Variants in PEX14 observed in about 807,000 individuals in gnomAD.
The protein encoded by PEX14 is peroxisomal biogenesis factor 14.
PEX14 carries 15 observed loss-of-function variants against 49.5 expected under a neutral mutation model. That is an observed-to-expected ratio of 0.30 (90% CI 0.20 to 0.47). The LOEUF (loss-of-function observed/expected upper bound fraction) is 0.47. Ranked by LOEUF, PEX14 falls within the 20% of genes least tolerant of loss-of-function variation. The probability of loss-of-function intolerance (pLI) is 1.00; values close to 1 mark genes in which losing one functional copy is unlikely to be tolerated. For synonymous variants in PEX14, 210 were observed against 212.7 expected, an observed-to-expected ratio of 0.99 and a Z score of 0.11; for missense variants, 398 against 494.8, an observed-to-expected ratio of 0.80 and a Z score of 1.86.
chr1:10,610,134 A>G (rs930671236), intron 4 of PEX14, among the ~76,000 whole-genome samples: 1 of 148,316 alleles, frequency 6.7e-6, no homozygotes, highest in African/African-American at 2.5e-5. Flanking sequence ...TGGAAAATAC[A>G]TATAAAAGGA....
intron 3 of PEX14, among the ~76,000 whole-genome samples, chr1:10,574,413 G>A (rs940677534): frequency 8.5e-5 from 13 of 152,184 alleles, no homozygotes; most frequent in Admixed American, 1.3e-4. Context: ...TCTCCGAGTG[G>A]TTGTTACACA....
chr1:10,621,172 G>A (rs1228810134), intron 5 of PEX14, among the ~76,000 whole-genome samples: 2 of 149,516 alleles, frequency 1.3e-5, no homozygotes, highest in Non-Finnish European at 3.0e-5. Flanking sequence ...TAAAGCATCT[G>A]CTCAGTTTCT....
At position 10,612,000 on chromosome 1, in the gene PEX14, A is replaced by G. The variant is rs1413936886; in HGVS notation, c.299-6332A>G. ...AAAGCTTTAAATTTTGATGGTGTCCATTTGATCAGTTTTTTCCTTTTTGGT... is the reference window on the plus strand; with the variant it reads ...AAAGCTTTAAATTTTGATGGTGTCCGTTTGATCAGTTTTTTCCTTTTTGGT... On this transcript the variant is annotated intron_variant, in intron 4 of 8. Transcript: ENST00000356607. Among the ~76,000 whole-genome samples, 4 of 152,262 alleles carry G rather than the reference A, an allele frequency of 2.6e-5. No homozygotes were observed. In the East Asian group the frequency reaches 7.7e-4, roughly 29 times the overall value.
chr1:10,630,096 G>A lies in PEX14; in HGVS notation c.*109G>A. Reference sequence around the variant, plus strand: ...GGAGGGCAGCTTGGAGCCCAGGTAGGGGGCAGAGCTGTCCTCAGCTGCACT... The same window carrying A: ...GGAGGGCAGCTTGGAGCCCAGGTAGAGGGCAGAGCTGTCCTCAGCTGCACT... On this transcript the variant is annotated 3_prime_UTR_variant, in exon 9 of 9. Transcript: ENST00000356607. This position sits in a 1 kb window ranked among gnomAD's most constrained non-coding sequence, Gnocchi z 4.1. 2 of 1,533,584 alleles carry A rather than the reference G, an allele frequency of 1.3e-6. No homozygotes were observed. Among genetic ancestry groups the A allele is most frequent in the South Asian group, 1.2e-5 (1 of 84,950 alleles). 95.0% of individuals were successfully genotyped at this position (1,533,584 alleles called of 1,614,324 possible).
At chr1:10,584,869 A>G (rs1187141011) in intron 3 of PEX14, among the ~76,000 whole-genome samples, 1 of 152,196 alleles carries the variant, frequency 6.6e-6, no homozygotes. Context: ...AAACAAAAGG[A>G]CACATATCAA....
At chr1:10,579,812 C>T (rs767186355) in intron 3 of PEX14, among the ~76,000 whole-genome samples, 2 of 152,076 alleles carry the variant, frequency 1.3e-5, no homozygotes, top group South Asian at 2.1e-4. Flanking sequence ...TGGCCAGCTC[C>T]TTTACTGCAA....
chr1:10,604,256 A>G (rs772076366), intron 4 of PEX14, among the ~76,000 whole-genome samples: 2 of 152,202 alleles, frequency 1.3e-5, no homozygotes, highest in Non-Finnish European at 2.9e-5. Context: ...TGCTTGGTTC[A>G]GTGATCAGAC....
intron 7 of PEX14, among the ~76,000 whole-genome samples, chr1:10,626,886 C>G (rs1390891034): frequency 6.6e-6 from 1 of 152,224 alleles, no homozygotes; most frequent in Non-Finnish European, 1.5e-5. Flanking sequence ...GAAAGGTGTG[C>G]ATGGAAGGAT....
intron 1 of PEX14, among the ~76,000 whole-genome samples, chr1:10,492,237 C>T (rs1396591913): frequency 3.3e-5 from 5 of 152,102 alleles, no homozygotes; most frequent in Admixed American, 1.3e-4. Flanking sequence ...AAGGGATGAA[C>T]TAATTTTAAG....
At chr1:10,483,321 CTT>C (rs1641314301) in intron 1 of PEX14, among the ~76,000 whole-genome samples, 1 of 151,764 alleles carries the variant, frequency 6.6e-6, no homozygotes, top group Non-Finnish European at 1.5e-5. Flanking sequence ...CCAAGTTTTT[CTT>C]TTTTTCTTTC....
At chr1:10,491,614 A>G (rs902258415) in intron 1 of PEX14, among the ~76,000 whole-genome samples, 1 of 142,526 alleles carries the variant, frequency 7.0e-6, no homozygotes, top group Non-Finnish European at 1.5e-5. Flanking sequence ...GGATCCTCCC[A>G]TTGTACCCTC....
At chr1:10,516,125 G>A (rs1004029647) in intron 2 of PEX14, among the ~76,000 whole-genome samples, 3 of 152,136 alleles carry the variant, frequency 2.0e-5, no homozygotes, top group East Asian at 1.9e-4. Context: ...GCAGAATACC[G>A]AATGATCTAA....
At chr1:10,593,033 C>G in intron 3 of PEX14, among the ~76,000 whole-genome samples, 1 of 152,234 alleles carries the variant, frequency 6.6e-6, no homozygotes, top group East Asian at 1.9e-4. Context: ...TGCCAGTTTC[C>G]TCAGTCTTTC....
At position 10,481,278 on chromosome 1, in the gene PEX14, C is replaced by T. The variant is rs376954488; in HGVS notation, c.36+6276C>T. The stretch of plus-strand genomic sequence containing the variant: ...TCAGCTTCCCAAGTAGCTGGAATTA[C>T]AGGTGCCCGCCACCATGCCTGGCTA... On this transcript the variant is annotated intron_variant, in intron 1 of 8. Coordinates refer to ENST00000356607, the MANE Select transcript of PEX14 (RefSeq NM_004565.3). Among the ~76,000 whole-genome samples, 5 of 151,914 alleles carry T rather than the reference C, an allele frequency of 3.3e-5. No homozygotes were observed. The East Asian group carries it at 9.7e-4, about 29-fold the overall frequency.
chr1:10,558,084 G>A (rs2124523601), intron 3 of PEX14, among the ~76,000 whole-genome samples: 1 of 152,226 alleles, frequency 6.6e-6, no homozygotes, highest in South Asian at 2.1e-4. Context: ...GTCTGTTGTT[G>A]TGCTAATGCT....
rs375835870 is a variant in PEX14, at chr1:10,618,325, C to T, written c.299-7C>T. The T allele has an allele frequency of 1.2e-6, 2 of 1,613,178 alleles. No individual in the cohort carries two copies. The highest frequency in any genetic ancestry group is 1.7e-6 in the Non-Finnish European group (2 of 1,179,484). On this transcript the variant is annotated splice_polypyrimidine_tract_variant and splice_region_variant and intron_variant, in intron 4 of 8. Transcript: ENST00000356607. ...TCTTCTAACCCTCCTCCTCTTCCCGCCTGTAGGTCCCGCAGGCTCCCGATG... is the reference window on the plus strand; with the variant it reads ...TCTTCTAACCCTCCTCCTCTTCCCGTCTGTAGGTCCCGCAGGCTCCCGATG...
chr1:10,556,438 G>A (rs779020694), intron 3 of PEX14, among the ~76,000 whole-genome samples: 3 of 152,060 alleles, frequency 2.0e-5, no homozygotes, highest in Non-Finnish European at 2.9e-5. Flanking sequence ...GCACTTTGTC[G>A]GTCTCTGTGC....
At chr1:10,508,480 C>T (rs965024553) in intron 2 of PEX14, among the ~76,000 whole-genome samples, 7 of 152,164 alleles carry the variant, frequency 4.6e-5, no homozygotes, top group African/African-American at 7.2e-5. Flanking sequence ...CGTGAGCTGC[C>T]GCGCCCGGCC....
chr1:10,618,819 T>A (rs142441658), intron 5 of PEX14, among the ~76,000 whole-genome samples: 2 of 152,356 alleles, frequency 1.3e-5, no homozygotes, highest in East Asian at 3.9e-4. Context: ...GCCCTGGCTC[T>A]GCCCCTCAGG....
Sources: gnomAD v4.1 joint callset for allele counts (sites outside exome capture counted in the v4.1 genomes callset) on GRCh38, gnomAD v4.1.1 for gene constraint, Gnocchi (gnomAD v3.1) non-coding constraint, MANE v1.5 for transcripts, NCBI Gene and HGNC (gene_info 2026-07-23, HGNC 2026-07-21) for gene names.